Variants in CNTN4 observed in about 807,000 individuals in gnomAD.
The protein encoded by CNTN4 is contactin-4.
A neutral mutation model predicts 122.5 loss-of-function variants in CNTN4; 77 were observed. The ratio of observed to expected loss-of-function variants is 0.63; its 90% CI spans 0.52 to 0.76. The LOEUF (loss-of-function observed/expected upper bound fraction) is 0.76, where lower values mean the gene tolerates loss of function less well. Ranked by LOEUF, CNTN4 falls within the 30% of genes least tolerant of loss-of-function variation. CNTN4 has a pLI of 0.00. For synonymous variants in CNTN4, 512 were observed against 447.0 expected (o/e 1.15, Z -1.83); for missense variants, 1,256 against 1,259.1 (o/e 1.00, Z 0.04).
At chr3:2,359,993 T>C (rs1012602432) in intron 3 of CNTN4, among the ~76,000 whole-genome samples, 2 of 152,164 alleles carry the variant, frequency 1.3e-5, no homozygotes, top group African/African-American at 4.8e-5. Context: ...GATGAACAGA[T>C]TATTCGTCTT....
intron 4 of CNTN4, among the ~76,000 whole-genome samples, chr3:2,670,112 T>C (rs1174345205): frequency 6.6e-6 from 1 of 152,232 alleles, no homozygotes; most frequent in Non-Finnish European, 1.5e-5. Context: ...TTAGGTCTGC[T>C]TGGTGCAGAG....
intron 2 of CNTN4, among the ~76,000 whole-genome samples, chr3:2,195,113 ACT>A: frequency 6.6e-6 from 1 of 151,822 alleles, no homozygotes; most frequent in East Asian, 1.9e-4. Context: ...CTATCCTTAT[ACT>A]CTCTGCTTCT....
At chr3:2,193,283 C>T (rs2037673095) in intron 2 of CNTN4, among the ~76,000 whole-genome samples, 1 of 151,882 alleles carries the variant, frequency 6.6e-6, no homozygotes, top group African/African-American at 2.4e-5. Flanking sequence ...CTGATCTGGC[C>T]CTGACTTGTC....
intron 4 of CNTN4, among the ~76,000 whole-genome samples, chr3:2,730,400 G>A (rs1424698012): frequency 1.3e-5 from 2 of 152,160 alleles, no homozygotes; most frequent in African/African-American, 2.4e-5. Flanking sequence ...GATGAGGGAT[G>A]CTCACCTGTT....
intron 4 of CNTN4, among the ~76,000 whole-genome samples, chr3:2,623,281 A>T: frequency 1.5e-5 from 2 of 136,160 alleles, no homozygotes; most frequent in Non-Finnish European, 3.2e-5. Flanking sequence ...CTGATTTTCT[A>T]CCCTCTTGTT....
chr3:2,762,890 T>C (rs1019403292), intron 6 of CNTN4, among the ~76,000 whole-genome samples: 1 of 151,798 alleles, frequency 6.6e-6, no homozygotes, highest in African/African-American at 2.4e-5. Flanking sequence ...AGGTGGTATC[T>C]CATTGTGGTT....
At chr3:2,733,540 T>TTTTG (rs1559443563) in intron 4 of CNTN4, among the ~76,000 whole-genome samples, 1 of 139,156 alleles carries the variant, frequency 7.2e-6, no homozygotes, top group African/African-American at 2.7e-5. Context: ...GTGTTTTTTT[T>TTTTG]TTTTTTTTTT....
At chr3:2,990,325 A>G (rs929556328) in intron 14 of CNTN4, among the ~76,000 whole-genome samples, 5 of 152,194 alleles carry the variant, frequency 3.3e-5, no homozygotes, top group South Asian at 2.1e-4. Context: ...GTTGAAATGA[A>G]CATTTATGAT....
At chr3:2,758,592 T>C (rs2090447692) in intron 6 of CNTN4, among the ~76,000 whole-genome samples, 1 of 144,038 alleles carries the variant, frequency 6.9e-6, no homozygotes, top group African/African-American at 2.5e-5. Context: ...GGCTCACCTC[T>C]GCCTCCCAGG....
intron 6 of CNTN4, among the ~76,000 whole-genome samples, chr3:2,815,944 C>T (rs1158453241): frequency 2.0e-5 from 3 of 150,438 alleles, no homozygotes; most frequent in South Asian, 2.1e-4. Context: ...TTTGCAGTGA[C>T]GTGGATGAGA....
At chr3:2,670,719 C>T (rs2084457694) in intron 4 of CNTN4, among the ~76,000 whole-genome samples, 1 of 152,176 alleles carries the variant, frequency 6.6e-6, no homozygotes, top group Non-Finnish European at 1.5e-5. Flanking sequence ...CATGTTTTTG[C>T]AGTGGCTGGT....
intron 14 of CNTN4, among the ~76,000 whole-genome samples, chr3:3,015,666 G>T (rs990006599): frequency 1.3e-5 from 2 of 152,156 alleles, no homozygotes; most frequent in African/African-American, 4.8e-5. Context: ...TTCTGCTGAG[G>T]TTTCAGCACC....
Position 3,056,162 on chromosome 3 carries a change from GT to G in CNTN4, c.3024del (p.Cys1008Ter). ...TCTGGGGCTTCCACTTCGAATGCAT[GT>G]ACGCTGTCAGCCATCAGTACAATAA... Reference protein sequence around the residue: ...RGSGASTSNACTLSAISTIMI... With the variant: ...RGSGASTSNAXTLSAISTIMI... On this transcript the variant is annotated frameshift_variant, in exon 25 of 25. Transcript: ENST00000418658. LOFTEE classifies it high-confidence loss of function. The G allele has an allele frequency of 6.2e-7, 1 of 1,614,136 alleles. No homozygotes were observed. Among genetic ancestry groups the G allele is most frequent in the Non-Finnish European group, 8.5e-7 (1 of 1,179,996 alleles).
chr3:2,514,895 C>T (rs1225171034), intron 3 of CNTN4, among the ~76,000 whole-genome samples: 1 of 151,802 alleles, frequency 6.6e-6, no homozygotes, highest in Admixed American at 6.6e-5. Flanking sequence ...TTCTTTCTTC[C>T]TCCCTTTTTC....
At chr3:2,416,930 A>C (rs2047437835) in intron 3 of CNTN4, among the ~76,000 whole-genome samples, 1 of 151,692 alleles carries the variant, frequency 6.6e-6, no homozygotes, top group East Asian at 2.0e-4. Flanking sequence ...CTGGGATTAC[A>C]CGCGTGAGCC....
intron 7 of CNTN4, among the ~76,000 whole-genome samples, chr3:2,838,975 G>A (rs1254214181): frequency 6.6e-6 from 1 of 152,130 alleles, no homozygotes; most frequent in Non-Finnish European, 1.5e-5. Flanking sequence ...ACTAAAGCAG[G>A]TAGATTATTA....
At chr3:2,419,058 G>T (rs1214941856) in intron 3 of CNTN4, among the ~76,000 whole-genome samples, 2 of 152,142 alleles carry the variant, frequency 1.3e-5, no homozygotes, top group African/African-American at 4.8e-5. Context: ...AGATTAATTG[G>T]TAGAAGTTAA....
intron 2 of CNTN4, among the ~76,000 whole-genome samples, chr3:2,250,318 A>G (rs1211504877): frequency 6.6e-6 from 1 of 151,924 alleles, no homozygotes; most frequent in Admixed American, 6.6e-5. Context: ...GATTTTCTGA[A>G]TCATGGACTC....
chr3:2,633,303 A>G (rs1363582594), intron 4 of CNTN4, among the ~76,000 whole-genome samples: 2 of 152,182 alleles, frequency 1.3e-5, no homozygotes, highest in Non-Finnish European at 2.9e-5. Context: ...CTAGCTAGGC[A>G]CTGGATTCAT....
Sources: allele counts gnomAD v4.1 joint callset (sites outside exome capture counted in the v4.1 genomes callset), GRCh38; gene constraint gnomAD v4.1.1; transcripts MANE v1.5; gene names NCBI Gene and HGNC (gene_info 2026-07-23, HGNC 2026-07-21).